Variants in DAPK2 observed in about 807,000 individuals in gnomAD.
DAPK2 encodes death-associated protein kinase 2.
Under a neutral mutation model 44.1 loss-of-function variants are expected in DAPK2, and 35 were observed. That is an observed-to-expected ratio of 0.79 (90% CI 0.61 to 1.05). DAPK2 has a LOEUF of 1.05. DAPK2 is among the 50% of genes least tolerant of loss of function. DAPK2 has a pLI of 0.00. For synonymous variants in DAPK2, 174 were observed against 182.6 expected, an observed-to-expected ratio of 0.95 and a Z score of 0.38; for missense variants, 453 against 483.2, an observed-to-expected ratio of 0.94 and a Z score of 0.59.
intron 1 of DAPK2, among the ~76,000 whole-genome samples, chr15:64,029,469 G>C (rs752950708): frequency 6.6e-6 from 1 of 152,196 alleles, no homozygotes; most frequent in Non-Finnish European, 1.5e-5. Context: ...GGTAGTTACC[G>C]GCCTATCTCC....
Position 63,923,042 on chromosome 15 carries a change from T to C in DAPK2, c.858+1774A>G. ...CACCTTGCGGAACTCATACCTGAGC[T>C]GGGACAGGTCATGCCGGGCGCTCTC... On this transcript the variant is annotated intron_variant, in intron 8 of 10. Transcript: ENST00000261891. The surrounding 1 kb of genome is among the most constrained non-coding windows in gnomAD (Gnocchi z 4.2). 1 of 1,535,860 alleles carries C rather than the reference T, an allele frequency of 6.5e-7. No individual in the cohort carries two copies. Among genetic ancestry groups the C allele is most frequent in the Non-Finnish European group, 8.7e-7 (1 of 1,146,734 alleles).
chr15:63,983,071 T>C (rs966687636), intron 2 of DAPK2, among the ~76,000 whole-genome samples: 13 of 152,316 alleles, frequency 8.5e-5, no homozygotes, highest in Admixed American at 3.3e-4. Flanking sequence ...GCAGTGGACT[T>C]TCCCCAGGAA....
intron 1 of DAPK2, among the ~76,000 whole-genome samples, chr15:64,012,265 C>G (rs1000868002): frequency 1.3e-5 from 2 of 152,166 alleles, no homozygotes; most frequent in Non-Finnish European, 2.9e-5. Flanking sequence ...ATTTATCAAA[C>G]ATTCAGTAAA....
At chr15:64,030,738 C>G (rs911090565) in intron 1 of DAPK2, among the ~76,000 whole-genome samples, 1 of 151,906 alleles carries the variant, frequency 6.6e-6, no homozygotes, top group Non-Finnish European at 1.5e-5. Context: ...TAGGCTGAGG[C>G]GAAAAGAGCG....
chr15:64,036,340 T>TATATATATATATATGTATATATATATAC lies in DAPK2; in HGVS notation c.92+3829_92+3830insGTATATATATATACATATATATATATAT, dbSNP rs1461524929. ...ATATGTATATATATATATATATACA[T>TATATATATATATATGTATATATATATAC]ATATATATATATATTTTAGTTAAGG... On this transcript the variant is annotated intron_variant, in intron 1 of 10. Coordinates refer to ENST00000261891, the Ensembl canonical transcript of DAPK2. Among the ~76,000 whole-genome samples the TATATATATATATATGTATATATATATAC allele has an allele frequency of 4.3e-4, 52 of 119,714 alleles. 4 individuals are homozygous for TATATATATATATATGTATATATATATAC. Among genetic ancestry groups the TATATATATATATATGTATATATATATAC allele is most frequent in the Non-Finnish European group, 8.8e-4 (50 of 56,636 alleles). The allele number at this position is 119,714 out of a possible 152,430, so 78.5% of individuals were successfully genotyped here. A position where few individuals can be genotyped will look rare whatever the true frequency, so the allele number is the denominator to read the frequency against.
Position 63,908,209 on chromosome 15 carries a change from G to A in DAPK2, c.*311C>T. Reference sequence around the variant, plus strand: ...AGTCTGACCTTCACCCCGTGATGATGAGGATGTCCTTTATATTGTTTTCCT... The same window carrying A: ...AGTCTGACCTTCACCCCGTGATGATAAGGATGTCCTTTATATTGTTTTCCT... On this transcript the variant is annotated 3_prime_UTR_variant, in exon 11 of 11. Coordinates refer to ENST00000261891, the Ensembl canonical transcript of DAPK2. The surrounding 1 kb of genome is among the most constrained non-coding windows in gnomAD (Gnocchi z 5.7). 4.6e-6 allele frequency: 1 copy of A among 219,636 alleles called. No individual in the cohort carries two copies. 13.6% of individuals were successfully genotyped at this position (219,636 alleles called of 1,614,324 possible).
At chr15:64,019,295 C>T (rs974948769) in intron 1 of DAPK2, among the ~76,000 whole-genome samples, 4 of 152,216 alleles carry the variant, frequency 2.6e-5, no homozygotes, top group Non-Finnish European at 1.5e-5. Flanking sequence ...ATTCTGAAAT[C>T]TTATATGATT....
intron 2 of DAPK2, among the ~76,000 whole-genome samples, chr15:63,981,254 A>G (rs1408912253): frequency 1.3e-5 from 2 of 152,158 alleles, no homozygotes; most frequent in Non-Finnish European, 2.9e-5. Flanking sequence ...CGTGTGATGC[A>G]CTGGGCTGCC....
chr15:63,908,545 G>C lies in DAPK2; in HGVS notation c.1088C>G (p.Pro363Arg). ...TTAGGAGGTGCTGCTCCTCCTCCGTGGGTGGAGGGCTTTCCTCCTGGCGAT... is the reference window on the plus strand; with the variant it reads ...TTAGGAGGTGCTGCTCCTCCTCCGTCGGTGGAGGGCTTTCCTCCTGGCGAT... Residue 363 changes from proline (P) to arginine (R), a missense_variant, in exon 11 of 11, where the codon CCA becomes CGA. By Grantham distance (103) the Pro-to-Arg change is moderately radical (BLOSUM62 -2). Coordinates refer to ENST00000261891, the Ensembl canonical transcript of DAPK2. This position sits in a 1 kb window ranked among gnomAD's most constrained non-coding sequence, Gnocchi z 5.7. The C allele has an allele frequency of 6.2e-7, 1 of 1,600,582 alleles. No homozygotes were observed.
rs189384823 is a variant in DAPK2, at chr15:63,976,262, C to A, written c.315-4701G>T. Among the ~76,000 whole-genome samples the A allele has an allele frequency of 2.0e-5, 3 of 152,274 alleles. No individual in the cohort carries two copies. The East Asian group carries it at 5.8e-4, about 29-fold the overall frequency. ...GTCACATGTGGTTACTGAGCACTTGCAATGTGGCTAGTGTAATAGAGGAAT... is the reference window on the plus strand; with the variant it reads ...GTCACATGTGGTTACTGAGCACTTGAAATGTGGCTAGTGTAATAGAGGAAT... On this transcript the variant is annotated intron_variant, in intron 2 of 10. Coordinates refer to ENST00000261891, the Ensembl canonical transcript of DAPK2.
intron 1 of DAPK2, 103 bp downstream of exon 2, chr15:64,040,067 C>T: frequency 1.1e-6 from 1 of 872,814 alleles, no homozygotes; most frequent in South Asian, 1.4e-5. Context: ...AAGCTTCCCA[C>T]TGGTCCTGTG....
At chr15:63,978,951 G>A (rs532776054) in intron 2 of DAPK2, among the ~76,000 whole-genome samples, 16 of 152,208 alleles carry the variant, frequency 1.1e-4, no homozygotes, top group Non-Finnish European at 1.9e-4. Flanking sequence ...CACAGGCAGC[G>A]ATAGGGGAAA....
At chr15:63,962,622 AC>A (rs1377788654) in intron 3 of DAPK2, among the ~76,000 whole-genome samples, 1 of 152,130 alleles carries the variant, frequency 6.6e-6, no homozygotes, top group Non-Finnish European at 1.5e-5. Context: ...TCCACTCCAG[AC>A]CCTGTTTTAC....
upstream of DAPK2, among the ~76,000 whole-genome samples, chr15:64,041,035 A>G (rs2080341960): frequency 6.6e-6 from 1 of 152,188 alleles, no homozygotes. Context: ...AATACTGTAA[A>G]ATCAACTTCA....
At chr15:63,983,552 C>T (rs1275026560) in exon 2 of DAPK2, 7 of 1,614,178 alleles carry the variant, frequency 4.3e-6, no homozygotes, top group East Asian at 2.2e-5. Flanking sequence ...ATGAGCACCA[C>T]GTCGGTGCGG....
chr15:64,026,981 C>T (rs1043489176), intron 1 of DAPK2, among the ~76,000 whole-genome samples: 1 of 152,110 alleles, frequency 6.6e-6, no homozygotes, highest in Non-Finnish European at 1.5e-5. Flanking sequence ...AGTGGCTCAC[C>T]GCCTGTAATC....
exon 1 of DAPK2, chr15:64,040,199 G>C: frequency 6.2e-7 from 1 of 1,613,938 alleles, no homozygotes; most frequent in Non-Finnish European, 8.5e-7. Flanking sequence ...TGTCATAAAA[G>C]TCCTCCACCT....
intron 1 of DAPK2, among the ~76,000 whole-genome samples, chr15:64,014,957 T>C (rs1416742205): frequency 1.3e-5 from 2 of 150,284 alleles, no homozygotes; most frequent in Non-Finnish European, 3.0e-5. Flanking sequence ...TCTGACATTG[T>C]TGAAGGAGGG....
In DAPK2 at chr15:64,018,159, A is replaced by G. The variant is rs139269405; in HGVS notation, c.92+22011T>C. Reference sequence around the variant, plus strand: ...TGAAATCCAACTTTGATGAAACCCAACTCTGAGGCATTCATTCTCAGAGAG... The same window carrying G: ...TGAAATCCAACTTTGATGAAACCCAGCTCTGAGGCATTCATTCTCAGAGAG... On this transcript the variant is annotated intron_variant, in intron 1 of 10. Coordinates refer to ENST00000261891, the Ensembl canonical transcript of DAPK2. 1.1e-3 allele frequency among the ~76,000 whole-genome samples: 169 copies of G among 152,196 alleles called. 3 individuals are homozygous for G. In the East Asian group the frequency reaches 0.03, roughly 27 times the overall value.
Sources: gnomAD v4.1 joint callset for allele counts (sites outside exome capture counted in the v4.1 genomes callset) on GRCh38, gnomAD v4.1.1 for gene constraint, Gnocchi (gnomAD v3.1) non-coding constraint, MANE v1.5 for transcripts, NCBI Gene and HGNC (gene_info 2026-07-23, HGNC 2026-07-21) for gene names.